The following DDX46 variants were observed in gnomAD, a reference collection of about 807,000 sequenced individuals.
DDX46 encodes DEAD-box helicase 46.
A neutral mutation model predicts 134.9 loss-of-function variants in DDX46; 30 were observed. The observed-to-expected ratio is 0.22, with a 90% confidence interval of 0.17 to 0.30. The LOEUF (loss-of-function observed/expected upper bound fraction) is 0.30. Among genes scored for constraint, DDX46 ranks in the 10% least tolerant of loss-of-function variants. The probability of loss-of-function intolerance (pLI) is 1.00; values close to 1 mark genes in which losing one functional copy is unlikely to be tolerated. For missense variants in DDX46, 622 were observed against 1,248.7 expected (o/e 0.50, Z 7.56); for synonymous variants, 415 against 404.1 (o/e 1.03, Z -0.32).
Position 134,764,041 on chromosome 5 carries a change from C to A in DDX46, c.155C>A (p.Ser52Tyr). 6.2e-7 allele frequency: 1 copy of A among 1,614,012 alleles called. No homozygotes were observed. Among genetic ancestry groups the A allele is most frequent in the Non-Finnish European group, 8.5e-7 (1 of 1,179,986 alleles). The change falls in exon 2 of 23, where the codon TCT becomes TAT. Residue 52 changes from serine (S) to tyrosine (Y), a missense_variant. Coordinates refer to ENST00000452510, the MANE Select transcript of DDX46 (RefSeq NM_001300860.2). ...SRDRDRRRER[S>Y]RSRDKRRSRS... The stretch of plus-strand genomic sequence containing the variant: ...GATAGAGATAGGAGGAGAGAGAGGT[C>A]TCGTAGCAGGGATAAAAGAAGATCT...
intron 21 of DDX46, among the ~76,000 whole-genome samples, chr5:134,819,777 G>A (rs528312916): frequency 1.9e-4 from 29 of 151,662 alleles, no homozygotes; most frequent in Non-Finnish European, 3.4e-4. Flanking sequence ...CAAGGGACCC[G>A]CCCCCACTCA....
chr5:134,824,838 G>T (rs1282279816), intron 21 of DDX46, among the ~76,000 whole-genome samples: 1 of 152,278 alleles, frequency 6.6e-6, no homozygotes, highest in East Asian at 1.9e-4. Flanking sequence ...CTCCTTGGAG[G>T]CTCTGTTTGG....
At chr5:134,818,807 A>AT (rs889946525) in intron 20 of DDX46, 53 bp from the exon 21 acceptor site, 2 of 1,547,880 alleles carry the variant, frequency 1.3e-6, no homozygotes, top group East Asian at 2.3e-5. Flanking sequence ...GCACTCCTGG[A>AT]TTTTTTTGTC....
chr5:134,800,030 C>T (rs1435795352), intron 15 of DDX46, among the ~76,000 whole-genome samples: 1 of 152,180 alleles, frequency 6.6e-6, no homozygotes, highest in Non-Finnish European at 1.5e-5. Context: ...TCCCTGCAAC[C>T]TCCACCTCCC....
intron 1 of DDX46, among the ~76,000 whole-genome samples, chr5:134,759,834 T>C (rs1049171345): frequency 6.6e-6 from 1 of 152,160 alleles, no homozygotes; most frequent in Non-Finnish European, 1.5e-5. Context: ...AGATAAAAAA[T>C]ATTTCTTTAA....
chr5:134,806,752 C>T (rs796797761), intron 15 of DDX46, among the ~76,000 whole-genome samples: 4 of 152,262 alleles, frequency 2.6e-5, no homozygotes, highest in African/African-American at 9.6e-5. Context: ...CCATTGAAAG[C>T]ATGAGTTTTA....
intron 18 of DDX46, among the ~76,000 whole-genome samples, chr5:134,814,803 A>G (rs1430787978): frequency 6.6e-6 from 1 of 152,110 alleles, no homozygotes; most frequent in Non-Finnish European, 1.5e-5. Flanking sequence ...TTTTGTAGAG[A>G]CAAGGTTTCG....
At position 134,811,235 on chromosome 5, in the gene DDX46, T is replaced by C; in HGVS notation, c.2163T>C (p.Thr721=). ...TCATGCATTAGGGTTATGCTTATAC[T>C]TTTATCACAGAGGATCAAGCTCGCT... ...GRAGNKGYAY[T]FITEDQARYA... The change falls in exon 17 of 23, where the codon ACT becomes ACC. Residue 721 remains threonine, a synonymous_variant. Transcript: ENST00000452510. 5 of 1,614,036 alleles carry C rather than the reference T, an allele frequency of 3.1e-6. No individual in the cohort carries two copies. Among genetic ancestry groups the C allele is most frequent in the Non-Finnish European group, 4.2e-6 (5 of 1,179,968 alleles).
chr5:134,770,737 G>A (rs915912047), intron 3 of DDX46, among the ~76,000 whole-genome samples, 166 bp from the exon 4 acceptor site: 16 of 151,746 alleles, frequency 1.1e-4, no homozygotes, highest in African/African-American at 3.6e-4. Context: ...GCTTGAACCC[G>A]GGAGGTGGAG....
intron 6 of DDX46, among the ~76,000 whole-genome samples, chr5:134,778,428 C>G (rs1011863734): frequency 6.6e-5 from 10 of 151,924 alleles, no homozygotes; most frequent in African/African-American, 2.4e-4. Flanking sequence ...CAGTATGTCC[C>G]TTCTCCCTTC....
At chr5:134,812,782 C>A (rs1248286364) in intron 18 of DDX46, among the ~76,000 whole-genome samples, 1 of 152,098 alleles carries the variant, frequency 6.6e-6, no homozygotes, top group Non-Finnish European at 1.5e-5. Flanking sequence ...GGATTACAGG[C>A]ACCCACCACC....
At chr5:134,759,098 G>A in intron 1 of DDX46, 143 bp downstream of exon 1, 1 of 1,321,674 alleles carries the variant, frequency 7.6e-7, no homozygotes, top group Non-Finnish European at 1.0e-6. Flanking sequence ...GGAAGGGCTG[G>A]GGGACCTCGG....
chr5:134,816,698 T>C, intron 19 of DDX46, 92 bp downstream of exon 19: 1 of 1,236,124 alleles, frequency 8.1e-7, no homozygotes, highest in Non-Finnish European at 1.1e-6. Flanking sequence ...GTAAACAAGT[T>C]GTCCTAGACA....
At position 134,825,044 on chromosome 5, in the gene DDX46, CA is replaced by C. The variant is rs548611084; in HGVS notation, c.2978-1902del. ...CCTTTTTTTCATAGCTGCTTATAAA[CA>C]TATGTAACCTATTACAAGAAGTTAC... is the stretch of plus-strand genomic sequence containing the variant. On this transcript the variant is annotated intron_variant, in intron 21 of 22. Transcript: ENST00000452510. Among the ~76,000 whole-genome samples, 12 of 152,266 alleles carry C rather than the reference CA, an allele frequency of 7.9e-5. No homozygotes were observed. The East Asian group carries it at 2.1e-3, about 27-fold the overall frequency.
At chr5:134,764,834 C>T (rs1309967182) in intron 2 of DDX46, among the ~76,000 whole-genome samples, 1 of 150,818 alleles carries the variant, frequency 6.6e-6, no homozygotes, top group African/African-American at 2.4e-5. Context: ...TCCCTCCCTT[C>T]CTCCATCTCT....
At chr5:134,804,775 A>C in intron 15 of DDX46, 1 of 337,450 alleles carries the variant, frequency 3.0e-6, no homozygotes, top group Non-Finnish European at 5.9e-6. Flanking sequence ...TAATTTTTAA[A>C]ATTTAGCTCT....
intron 15 of DDX46, 40 bp from the exon 16 acceptor site, chr5:134,807,703 AAATTT>A: frequency 6.5e-7 from 1 of 1,538,694 alleles, no homozygotes; most frequent in African/African-American, 1.4e-5. Context: ...AAGACATGGA[AAATTT>A]AATTTGAACA....
chr5:134,819,488 A>G (rs1755381240), intron 21 of DDX46, among the ~76,000 whole-genome samples: 1 of 152,222 alleles, frequency 6.6e-6, no homozygotes, highest in African/African-American at 2.4e-5. Flanking sequence ...TTTGGTTTTT[A>G]ACTTTATTTC....
intron 1 of DDX46, among the ~76,000 whole-genome samples, chr5:134,763,052 C>G (rs1043893497): frequency 4.6e-5 from 7 of 151,038 alleles, no homozygotes; most frequent in Non-Finnish European, 1.0e-4. Context: ...GAGCCAGACT[C>G]TTTCTCAAAA....
Sources: gnomAD v4.1 joint callset for allele counts (sites outside exome capture counted in the v4.1 genomes callset) on GRCh38, gnomAD v4.1.1 for gene constraint, MANE v1.5 for transcripts, NCBI Gene and HGNC (gene_info 2026-07-23, HGNC 2026-07-21) for gene names.